STRN3: variants seen among roughly 807,000 people sequenced by gnomAD.
The protein encoded by STRN3 is striatin-3.
Under a neutral mutation model 95.6 loss-of-function variants are expected in STRN3, and 29 were observed. The observed-to-expected ratio is 0.30, with a 90% CI of 0.23 to 0.41. The LOEUF (loss-of-function observed/expected upper bound fraction) is 0.41, where lower values mean the gene tolerates loss of function less well. Among genes scored for constraint, STRN3 ranks in the 10% least tolerant of loss-of-function variants. STRN3 has a pLI of 1.00. For synonymous variants in STRN3, 331 were observed against 357.6 expected, an observed-to-expected ratio of 0.93 and a Z score of 0.84; for missense variants, 890 against 972.1, an observed-to-expected ratio of 0.92 and a Z score of 1.12.
chr14:30,964,543 C>T (rs1456604290), intron 1 of STRN3: 1 of 164,476 alleles, frequency 6.1e-6, no homozygotes, highest in Admixed American at 5.9e-5. Context: ...ATGTGGCAGC[C>T]CAAGGCTTTG....
chr14:31,009,487 G>A (rs183469549), intron 1 of STRN3, among the ~76,000 whole-genome samples: 40 of 127,714 alleles, frequency 3.1e-4, no homozygotes, highest in Admixed American at 8.6e-4. Context: ...CCCCGCCCCC[G>A]CGCCCCAGTT....
At chr14:30,919,462 T>A (rs904850747) in intron 8 of STRN3, among the ~76,000 whole-genome samples, 2 of 151,666 alleles carry the variant, frequency 1.3e-5, no homozygotes, top group African/African-American at 4.8e-5. Context: ...CAAAGGAAAA[T>A]TTTGGTGTTT....
chr14:30,965,579 G>T (rs544089542), intron 1 of STRN3, among the ~76,000 whole-genome samples: 176 of 152,094 alleles, frequency 1.2e-3, no homozygotes, highest in African/African-American at 4.1e-3. Flanking sequence ...CAGCACTTTG[G>T]GAGGCTGAGG....
intron 1 of STRN3, among the ~76,000 whole-genome samples, chr14:30,966,932 A>AAAGG (rs1256161186): frequency 6.6e-6 from 1 of 152,002 alleles, no homozygotes; most frequent in African/African-American, 2.4e-5. Context: ...TCAGAAGGGG[A>AAAGG]AAGGGGGGAA....
intron 1 of STRN3, among the ~76,000 whole-genome samples, chr14:30,997,742 A>G (rs1453701804): frequency 6.6e-6 from 1 of 152,204 alleles, no homozygotes; most frequent in Non-Finnish European, 1.5e-5. Flanking sequence ...CTCTAAGCTC[A>G]GAGTAGGAAC....
rs147557144 is a variant in STRN3, at chr14:30,937,937, A to G, written c.717-1313T>C. On this transcript the variant is annotated intron_variant, in intron 5 of 17. Coordinates refer to ENST00000357479, the MANE Select transcript of STRN3 (RefSeq NM_001083893.2). ...GTTTCCATGAGGCAGTGGTTCTAGCATACATACCTCCCTATCATGCTGAAG... is the reference window on the plus strand; with the variant it reads ...GTTTCCATGAGGCAGTGGTTCTAGCGTACATACCTCCCTATCATGCTGAAG... Among the ~76,000 whole-genome samples the G allele has an allele frequency of 6.4e-4, 97 of 152,266 alleles. 1 individual carries two copies. Among genetic ancestry groups the G allele is most frequent in the African/African-American group, 2.3e-3 (96 of 41,548 alleles).
chr14:30,937,852 G>C (rs1878898808), intron 5 of STRN3, among the ~76,000 whole-genome samples: 1 of 152,034 alleles, frequency 6.6e-6, no homozygotes, highest in Non-Finnish European at 1.5e-5. Context: ...CTCTCTGACT[G>C]GTTCCCTCCA....
At chr14:30,989,430 CA>C (rs1881844402) in intron 1 of STRN3, among the ~76,000 whole-genome samples, 1 of 152,080 alleles carries the variant, frequency 6.6e-6, no homozygotes, top group South Asian at 2.1e-4. Context: ...GAGACAGCAG[CA>C]ACAAAACAGT....
chr14:31,021,194 T>G (rs1338910474), intron 1 of STRN3, among the ~76,000 whole-genome samples: 1 of 152,128 alleles, frequency 6.6e-6, no homozygotes, highest in African/African-American at 2.4e-5. Context: ...ACTGAATGGA[T>G]GTATTGAATT....
At chr14:30,967,900 A>ACGACTTCCT (rs1190994249) in intron 1 of STRN3, among the ~76,000 whole-genome samples, 2 of 152,156 alleles carry the variant, frequency 1.3e-5, no homozygotes, top group East Asian at 3.9e-4. Flanking sequence ...CCTTCAGGAC[A>ACGACTTCCT]CGACTTCCTC....
intron 1 of STRN3, among the ~76,000 whole-genome samples, chr14:30,971,501 A>G (rs1458094139): frequency 2.0e-5 from 3 of 152,244 alleles, no homozygotes; most frequent in African/African-American, 4.8e-5. Context: ...ACCAACAGCG[A>G]TTTATTAACT....
chr14:30,895,851 C>CT, intron 16 of STRN3, 103 bp from the exon 17 acceptor site: 1 of 968,144 alleles, frequency 1.0e-6, no homozygotes, highest in Non-Finnish European at 1.5e-6. Flanking sequence ...ATTATAGCAA[C>CT]TTTTTTATTG....
At chr14:30,923,014 A>G (rs1386703042) in intron 8 of STRN3, among the ~76,000 whole-genome samples, 1 of 152,226 alleles carries the variant, frequency 6.6e-6, no homozygotes. Flanking sequence ...GTTGAAAATA[A>G]CATCTCTTTG....
intron 1 of STRN3, chr14:31,025,212 A>G (rs912444411): frequency 6.6e-6 from 1 of 152,360 alleles, no homozygotes; most frequent in South Asian, 2.1e-4. Flanking sequence ...AGTACTGTAA[A>G]AAGAAAAATT....
chr14:30,957,222 A>C (rs1879956410), intron 1 of STRN3, among the ~76,000 whole-genome samples: 1 of 152,108 alleles, frequency 6.6e-6, no homozygotes, highest in Non-Finnish European at 1.5e-5. Flanking sequence ...TGGGAGGCCG[A>C]GGCGGGTGGA....
At chr14:30,985,883 A>G (rs139148025) in intron 1 of STRN3, among the ~76,000 whole-genome samples, 11 of 152,314 alleles carry the variant, frequency 7.2e-5, no homozygotes, top group Admixed American at 6.5e-4. Flanking sequence ...CTACCTGTTC[A>G]GAACAAGACC....
At chr14:31,021,241 G>C (rs1419006953) in intron 1 of STRN3, among the ~76,000 whole-genome samples, 1 of 152,174 alleles carries the variant, frequency 6.6e-6, no homozygotes, top group Non-Finnish European at 1.5e-5. Flanking sequence ...AGAAATACAA[G>C]GGACATCTGG....
chr14:30,960,080 T>C (rs1880113461), intron 1 of STRN3, among the ~76,000 whole-genome samples: 1 of 151,706 alleles, frequency 6.6e-6, no homozygotes, highest in Admixed American at 6.6e-5. Flanking sequence ...ATGGGCCGAG[T>C]ACAGGGGGCT....
rs1209114241 is a variant in STRN3, at chr14:30,905,697, A to AAC, written c.1889-141_1889-140dup. ...TACTGTTAATAATGAAAAGGAACAC[A>AAC]ACTGTGTCAGGATGGTGAGATAAGA... On this transcript the variant is annotated intron_variant, in intron 14 of 17. Transcript: ENST00000357479. The AAC allele has an allele frequency of 1.7e-5, 15 of 871,754 alleles. No homozygotes were observed. In the Admixed American group the frequency reaches 4.7e-4, roughly 27 times the overall value. 54.0% of individuals were successfully genotyped at this position (871,754 alleles called of 1,614,324 possible).
Sources: gnomAD v4.1 joint callset for allele counts (sites outside exome capture counted in the v4.1 genomes callset) on GRCh38, gnomAD v4.1.1 for gene constraint, MANE v1.5 for transcripts, NCBI Gene and HGNC (gene_info 2026-07-23, HGNC 2026-07-21) for gene names.